PARD3: variants seen among roughly 807,000 people sequenced by gnomAD.
PARD3 encodes the protein par-3 family cell polarity regulator, also known as partitioning defective 3 homolog.
In PARD3, 75 loss-of-function variants were observed where a neutral mutation model predicts 155.4. The ratio of observed to expected loss-of-function variants is 0.48; its 90% CI spans 0.40 to 0.58. The LOEUF is 0.58. Among genes scored for constraint, PARD3 ranks in the 20% least tolerant of loss-of-function variants. The probability of loss-of-function intolerance (pLI) is 0.00; values close to 1 mark genes in which losing one functional copy is unlikely to be tolerated. For synonymous variants in PARD3, 576 were observed against 610.5 expected (o/e 0.94, Z 0.83); for missense variants, 1,642 against 1,721.7 (o/e 0.95, Z 0.82).
chr10:34,435,865 A>G (rs1010972400), intron 5 of PARD3, among the ~76,000 whole-genome samples: 1 of 152,228 alleles, frequency 6.6e-6, no homozygotes, highest in African/African-American at 2.4e-5. Context: ...TTGAGAACAC[A>G]GCATAAAACT....
At chr10:34,456,839 C>A (rs1370402884) in intron 4 of PARD3, among the ~76,000 whole-genome samples, 1 of 152,046 alleles carries the variant, frequency 6.6e-6, no homozygotes, top group Non-Finnish European at 1.5e-5. Flanking sequence ...TTGATAATAT[C>A]TTTTCTAGTC....
chr10:34,523,618 C>T (rs1280890816), intron 2 of PARD3, among the ~76,000 whole-genome samples: 4 of 152,048 alleles, frequency 2.6e-5, no homozygotes, highest in East Asian at 1.9e-4. Context: ...ACAGAAAGTG[C>T]GTGTTTGAGA....
At chr10:34,308,256 G>A (rs1366917083) in intron 20 of PARD3, among the ~76,000 whole-genome samples, 1 of 152,150 alleles carries the variant, frequency 6.6e-6, no homozygotes, top group Admixed American at 6.5e-5. Context: ...AACAGAGGAG[G>A]GAAAAGTGAC....
intron 2 of PARD3, among the ~76,000 whole-genome samples, chr10:34,623,701 C>A (rs1387196162): frequency 6.6e-6 from 1 of 151,294 alleles, no homozygotes; most frequent in Admixed American, 6.6e-5. Context: ...CAGTGCAGGG[C>A]CAGGTGCAGG....
intron 1 of PARD3, among the ~76,000 whole-genome samples, chr10:34,746,762 CA>C (rs2133920807): frequency 6.6e-6 from 1 of 152,302 alleles, no homozygotes; most frequent in Admixed American, 6.5e-5. Flanking sequence ...CTCTGACAAA[CA>C]GGAATTTATT....
intron 3 of PARD3, among the ~76,000 whole-genome samples, chr10:34,471,795 G>GT (rs1182571071): frequency 6.6e-6 from 1 of 152,154 alleles, no homozygotes; most frequent in Non-Finnish European, 1.5e-5. Flanking sequence ...CTGACCTCAG[G>GT]TTATCCACCC....
Position 34,224,748 on chromosome 10 carries a change from C to T in PARD3, c.3419+44909G>A, listed in dbSNP as rs183072438. Among the ~76,000 whole-genome samples the T allele has an allele frequency of 4.7e-4, 72 of 152,284 alleles. No individual in the cohort carries two copies. In the East Asian group the frequency reaches 0.012, roughly 26 times the overall value. On this transcript the variant is annotated intron_variant, in intron 22 of 24. Coordinates refer to ENST00000374788, the MANE Select transcript of PARD3 (RefSeq NM_001184785.2). ...TAAATAGCAGAGGTGGAACTGGTCGCGTGTCTGCTGTCATCTGAGGGTTTC... is the reference window on the plus strand; with the variant it reads ...TAAATAGCAGAGGTGGAACTGGTCGTGTGTCTGCTGTCATCTGAGGGTTTC...
chr10:34,775,392 C>T (rs1465217337), intron 1 of PARD3, among the ~76,000 whole-genome samples: 2 of 152,124 alleles, frequency 1.3e-5, no homozygotes, highest in African/African-American at 2.4e-5. Context: ...TGCCTGCAGT[C>T]CCAGCTACTT....
At chr10:34,580,926 T>C (rs2134251618) in intron 2 of PARD3, among the ~76,000 whole-genome samples, 1 of 152,332 alleles carries the variant, frequency 6.6e-6, no homozygotes, top group South Asian at 2.1e-4. Context: ...ATCCTCCTTG[T>C]CTGACTTACA....
At chr10:34,579,570 G>GTGTGTGTGTGTGTATA (rs1554775603) in intron 2 of PARD3, among the ~76,000 whole-genome samples, 1 of 138,230 alleles carries the variant, frequency 7.2e-6, no homozygotes, top group Non-Finnish European at 1.5e-5. Flanking sequence ...GTGTGTGTGT[G>GTGTGTGTGTGTGTATA]TGTGTGTGTG....
intron 2 of PARD3, among the ~76,000 whole-genome samples, chr10:34,559,585 G>C (rs1731030065): frequency 1.3e-5 from 2 of 152,204 alleles, no homozygotes; most frequent in South Asian, 4.2e-4. Context: ...GCCAACAAAA[G>C]AGAAAACAAG....
At chr10:34,571,655 T>C (rs1296141591) in intron 2 of PARD3, among the ~76,000 whole-genome samples, 1 of 152,222 alleles carries the variant, frequency 6.6e-6, no homozygotes, top group African/African-American at 2.4e-5. Context: ...CAAAGAATTA[T>C]AAACCAAAGA....
intron 18 of PARD3, among the ~76,000 whole-genome samples, chr10:34,331,634 C>T (rs1344076841): frequency 3.3e-5 from 5 of 152,044 alleles, no homozygotes; most frequent in East Asian, 1.9e-4. Context: ...CGTTTTGCTC[C>T]GGTAATAGGA....
chr10:34,282,827 C>T (rs943664801), intron 21 of PARD3, among the ~76,000 whole-genome samples: 1 of 152,018 alleles, frequency 6.6e-6, no homozygotes, highest in Non-Finnish European at 1.5e-5. Flanking sequence ...CACTAAGGAA[C>T]ACTATGCACC....
chr10:34,394,158 T>C (rs1843105298), intron 7 of PARD3, among the ~76,000 whole-genome samples: 1 of 151,622 alleles, frequency 6.6e-6, no homozygotes, highest in Non-Finnish European at 1.5e-5. Context: ...CCAGAGTAGG[T>C]GGGACTACAG....
chr10:34,768,910 G>T (rs182532500), intron 1 of PARD3, among the ~76,000 whole-genome samples: 1 of 152,106 alleles, frequency 6.6e-6, no homozygotes, highest in Non-Finnish European at 1.5e-5. Flanking sequence ...AGTTCCCAGC[G>T]CCGAACTCCA....
chr10:34,618,008 T>G (rs1274537984), intron 2 of PARD3, among the ~76,000 whole-genome samples: 1 of 152,194 alleles, frequency 6.6e-6, no homozygotes, highest in African/African-American at 2.4e-5. Flanking sequence ...GGCACTCAAC[T>G]GTATTCTGAT....
intron 7 of PARD3, among the ~76,000 whole-genome samples, chr10:34,398,768 G>C (rs891052123): frequency 2.6e-5 from 4 of 152,158 alleles, no homozygotes; most frequent in African/African-American, 9.7e-5. Context: ...AAGGATGCAT[G>C]TTCTGTAAAG....
intron 2 of PARD3, among the ~76,000 whole-genome samples, chr10:34,528,789 G>A (rs1321575094): frequency 1.3e-5 from 2 of 152,068 alleles, no homozygotes; most frequent in African/African-American, 4.8e-5. Flanking sequence ...GGTTTCAAGG[G>A]GTATGGAGAA....
Sources: gnomAD v4.1 joint callset for allele counts (sites outside exome capture counted in the v4.1 genomes callset) on GRCh38, gnomAD v4.1.1 for gene constraint, MANE v1.5 for transcripts, NCBI Gene and HGNC (gene_info 2026-07-23, HGNC 2026-07-21) for gene names.